The following ITFG2 variants were observed in gnomAD, a reference collection of about 807,000 sequenced individuals.
The protein encoded by ITFG2 is KICSTOR complex protein ITFG2.
Under a neutral mutation model 54.4 loss-of-function variants are expected in ITFG2, and 36 were observed. The observed-to-expected ratio is 0.66, with a 90% CI of 0.51 to 0.87. The LOEUF is 0.87. ITFG2 is among the 40% of genes least tolerant of loss of function. The pLI, the probability that ITFG2 is intolerant of heterozygous loss-of-function variation, is 0.00. For missense variants in ITFG2, 524 were observed against 576.7 expected (o/e 0.91, Z 0.94); for synonymous variants, 211 against 225.4 (o/e 0.94, Z 0.57).
Position 2,843,171 on chromosome 12 carries a change from T to G in ITFG2, n.300+2176T>G, listed in dbSNP as rs562941951. ...TTCAGAGCTAGACAAACAGCTCTCT[T>G]GAACCCGTGGAGGGTTAAGGGCAGC... is the stretch of plus-strand genomic sequence containing the variant. On this transcript the variant is annotated intron_variant and non_coding_transcript_variant, in intron 2 of 3. Coordinates refer to the ITFG2 transcript ENST00000537710. 3.3e-5 allele frequency among the ~76,000 whole-genome samples: 5 copies of G among 152,320 alleles called. No individual in the cohort carries two copies. In the South Asian group the frequency reaches 1.0e-3, roughly 32 times the overall value.
chr12:2,833,691 A>G (rs993471264), upstream of ITFG2, among the ~76,000 whole-genome samples: 1 of 152,156 alleles, frequency 6.6e-6, no homozygotes, highest in Non-Finnish European at 1.5e-5. Flanking sequence ...GTCAGAGGCC[A>G]GGAATATTTC....
intron 2 of ITFG2, chr12:2,849,629 G>C: frequency 2.3e-6 from 3 of 1,328,362 alleles, no homozygotes; most frequent in Non-Finnish European, 1.0e-6. Flanking sequence ...CCACAAGCTA[G>C]TTAGCCATCA....
At chr12:2,857,253 CAG>C (rs1224694800) in intron 2 of ITFG2, 1 of 572,274 alleles carries the variant, frequency 1.7e-6, no homozygotes, top group Non-Finnish European at 3.1e-6. Flanking sequence ...AAAACTGTAA[CAG>C]GAGCTGCTGC....
downstream of ITFG2, among the ~76,000 whole-genome samples, chr12:2,831,119 C>T (rs2098000394): frequency 1.3e-5 from 2 of 152,078 alleles, no homozygotes; most frequent in African/African-American, 2.4e-5. Flanking sequence ...CTCTGTTAAA[C>T]TGACTTAGTA....
chr12:2,813,904 A>C (rs112782110), intron 1 of ITFG2, among the ~76,000 whole-genome samples: 4 of 152,290 alleles, frequency 2.6e-5, no homozygotes, highest in African/African-American at 9.6e-5. Flanking sequence ...ACTGCCAAGC[A>C]GTCCAATTTT....
chr12:2,827,171 A>G, downstream of ITFG2: 1 of 1,613,664 alleles, frequency 6.2e-7, no homozygotes, highest in East Asian at 2.2e-5. The surrounding 1 kb of genome is among the most constrained non-coding windows in gnomAD (Gnocchi z 4.0). Context: ...CTTCTAAGGC[A>G]AGGTCTTTCC....
At position 2,823,206 on chromosome 12, in the gene ITFG2, G is replaced by A. The variant is rs116668460; in HGVS notation, c.1066+295G>A. Among the ~76,000 whole-genome samples the A allele has an allele frequency of 7.5e-3, 1,142 of 152,290 alleles. 14 individuals are homozygous for A. Among genetic ancestry groups the A allele is most frequent in the African/African-American group, 0.026 (1,094 of 41,558 alleles). On this transcript the variant is annotated intron_variant, in intron 10 of 11. Transcript: ENST00000228799. ...TAAAAGACAGTAACATCTCCACCCC[G>A]AATATTTTAAAGAATGGAATGAGTT...
At chr12:2,854,954 C>T in intron 2 of ITFG2, 1 of 1,536,132 alleles carries the variant, frequency 6.5e-7, no homozygotes, top group Non-Finnish European at 8.7e-7. Context: ...GGTGCTCTTG[C>T]CTCACTCCTC....
intron 1 of ITFG2, among the ~76,000 whole-genome samples, chr12:2,813,480 G>A (rs2097914216): frequency 6.6e-6 from 1 of 152,144 alleles, no homozygotes; most frequent in African/African-American, 2.4e-5. Context: ...AAAAATGAAC[G>A]AGAGAGTTCC....
chr12:2,829,770 A>G (rs73052614), downstream of ITFG2, among the ~76,000 whole-genome samples: 22,749 of 150,646 alleles, frequency 0.15, 1,845 homozygotes, highest in South Asian at 0.33. Flanking sequence ...CTGTCTCTAA[A>G]AAATAAACAA....
At chr12:2,833,614 C>T (rs1358143228), upstream of ITFG2, among the ~76,000 whole-genome samples, 1 of 152,112 alleles carries the variant, frequency 6.6e-6, no homozygotes, top group Non-Finnish European at 1.5e-5. Flanking sequence ...TCTTCTCAGA[C>T]TAGGAGAGGG....
intron 1 of ITFG2, among the ~76,000 whole-genome samples, chr12:2,813,913 T>G (rs2097915435): frequency 6.6e-6 from 1 of 152,196 alleles, no homozygotes; most frequent in Admixed American, 6.5e-5. Flanking sequence ...CAGTCCAATT[T>G]TATGAGAAAA....
rs1168928062 is a variant in ITFG2, at chr12:2,855,052, C to T, written n.301-2960C>T. 15 of 1,535,864 alleles carry T rather than the reference C, an allele frequency of 9.8e-6. No homozygotes were observed. In the East Asian group the frequency reaches 3.2e-4, roughly 33 times the overall value. On this transcript the variant is annotated intron_variant and non_coding_transcript_variant, in intron 2 of 3. Coordinates refer to the ITFG2 transcript ENST00000537710. ...TTTCATGTCCACAAACGTGGGATAA[C>T]AGTGGATGAAGGTCAGGAAGCTGTT...
At chr12:2,855,201 G>A in intron 2 of ITFG2, 1 of 1,507,114 alleles carries the variant, frequency 6.6e-7, no homozygotes, top group Non-Finnish European at 8.9e-7. Context: ...TGGGGAAGGT[G>A]GCAGGCAGAC....
intron 1 of ITFG2, 150 bp downstream of exon 1, chr12:2,813,006 C>T: frequency 3.4e-6 from 2 of 592,218 alleles, no homozygotes; most frequent in South Asian, 2.1e-5. Context: ...TTATTGATAG[C>T]TTCAGTGTTC....
At chr12:2,827,692 TG>T, downstream of ITFG2, 1 of 1,613,984 alleles carries the variant, frequency 6.2e-7, no homozygotes, top group Non-Finnish European at 8.5e-7. This position sits in a 1 kb window ranked among gnomAD's most constrained non-coding sequence, Gnocchi z 4.0. Flanking sequence ...AGGAACAATT[TG>T]AAAACAGAAG....
intron 2 of ITFG2, among the ~76,000 whole-genome samples, chr12:2,843,301 C>T (rs1311619130): frequency 6.6e-6 from 1 of 152,168 alleles, no homozygotes; most frequent in Non-Finnish European, 1.5e-5. Context: ...CGCAGGCAGC[C>T]CGTGCTGCCA....
rs112773179 is a variant in ITFG2 at position 2,851,836 on chromosome 12, G to A, written n.301-6176G>A. On this transcript the variant is annotated intron_variant and non_coding_transcript_variant, in intron 2 of 3. Transcript: ENST00000537710. ...TGGGATTACAGGCATGTGCCACCAC[G>A]CCTGACTAATTTTTGTATTTGTAGT... 1.6e-4 allele frequency among the ~76,000 whole-genome samples: 25 copies of A among 151,940 alleles called. No individual in the cohort carries two copies. The South Asian group carries it at 5.0e-3, about 30-fold the overall frequency.
At chr12:2,839,693 G>A (rs1000730418) in intron 1 of ITFG2, among the ~76,000 whole-genome samples, 3 of 152,120 alleles carry the variant, frequency 2.0e-5, no homozygotes. Context: ...AATGGAACAG[G>A]TAGATAATGA....
Sources: allele counts gnomAD v4.1 joint callset (sites outside exome capture counted in the v4.1 genomes callset), GRCh38; gene constraint gnomAD v4.1.1; non-coding constraint Gnocchi (gnomAD v3.1); transcripts MANE v1.5; gene names NCBI Gene and HGNC (gene_info 2026-07-23, HGNC 2026-07-21).